The following SCAPER variants were observed in gnomAD, a reference collection of about 807,000 sequenced individuals.
SCAPER encodes the protein S phase cyclin A-associated protein in the endoplasmic reticulum.
Under a neutral mutation model 182.2 loss-of-function variants are expected in SCAPER, and 98 were observed. The ratio of observed to expected loss-of-function variants is 0.54; its 90% CI spans 0.46 to 0.64. SCAPER has a LOEUF of 0.64. Among genes scored for constraint, SCAPER ranks in the 30% least tolerant of loss-of-function variants. The probability of loss-of-function intolerance (pLI) is 0.00; values close to 1 mark genes in which losing one functional copy is unlikely to be tolerated. For synonymous variants in SCAPER, 605 were observed against 564.6 expected (o/e 1.07, Z -1.01); for missense variants, 1,432 against 1,690.0 (o/e 0.85, Z 2.68).
chr15:76,626,307 T>C (rs1476913664), intron 21 of SCAPER, among the ~76,000 whole-genome samples: 1 of 152,140 alleles, frequency 6.6e-6, no homozygotes, highest in Non-Finnish European at 1.5e-5. Context: ...TTATTTCCAG[T>C]TTGACTCTGT....
At chr15:76,764,403 T>TG (rs147977877) in intron 14 of SCAPER, among the ~76,000 whole-genome samples, 23,400 of 152,152 alleles carry the variant, frequency 0.15, 2,025 homozygotes, top group African/African-American at 0.24. Flanking sequence ...AGAGGCCAGG[T>TG]GGAGTTTGGT....
intron 29 of SCAPER, among the ~76,000 whole-genome samples, chr15:76,366,541 C>G (rs908120447): frequency 1.3e-5 from 2 of 152,202 alleles, no homozygotes; most frequent in African/African-American, 4.8e-5. Context: ...CTGCTTTCAT[C>G]TCTCTGCTCT....
At chr15:76,861,935 AAGG>A (rs2071907729) in intron 3 of SCAPER, 2 of 152,306 alleles carry the variant, frequency 1.3e-5, no homozygotes, top group South Asian at 4.1e-4. Context: ...AGGCAGCAGG[AAGG>A]AGAAGTACCG....
chr15:76,592,764 G>A (rs1597567592), intron 22 of SCAPER, among the ~76,000 whole-genome samples: 1 of 121,950 alleles, frequency 8.2e-6, no homozygotes, highest in African/African-American at 2.5e-5. Context: ...GAGGGACTGT[G>A]CCTTGAGGAA....
chr15:76,403,380 C>A (rs1431213038), intron 27 of SCAPER, among the ~76,000 whole-genome samples: 2 of 152,198 alleles, frequency 1.3e-5, no homozygotes, highest in African/African-American at 2.4e-5. Context: ...AAACACTGAA[C>A]ACAGGCATGC....
intron 24 of SCAPER, among the ~76,000 whole-genome samples, chr15:76,473,970 C>T (rs1490944039): frequency 6.6e-6 from 1 of 152,012 alleles, no homozygotes; most frequent in African/African-American, 2.4e-5. Flanking sequence ...TGCCACCACA[C>T]CCATCAAATT....
chr15:76,525,621 T>C (rs1197472810), intron 23 of SCAPER, among the ~76,000 whole-genome samples: 2 of 152,206 alleles, frequency 1.3e-5, no homozygotes, highest in Non-Finnish European at 2.9e-5. Flanking sequence ...CATGTGGTAT[T>C]TGGTTTTCTG....
chr15:76,557,315 A>G lies in SCAPER; in HGVS notation c.2838+16843T>C, dbSNP rs574434789. On this transcript the variant is annotated intron_variant, in intron 23 of 31. Transcript: ENST00000563290. Reference sequence around the variant, plus strand: ...CCAATAGCCAAAGCAGTGCTAAGCAAAAAGAACTAAGCTGGAGATATCACA... The same window carrying G: ...CCAATAGCCAAAGCAGTGCTAAGCAGAAAGAACTAAGCTGGAGATATCACA... 3.9e-5 allele frequency among the ~76,000 whole-genome samples: 6 copies of G among 152,356 alleles called. No homozygotes were observed. In the East Asian group the frequency reaches 1.2e-3, roughly 29 times the overall value.
At chr15:76,577,681 T>G (rs1195330614) in intron 22 of SCAPER, among the ~76,000 whole-genome samples, 1 of 152,070 alleles carries the variant, frequency 6.6e-6, no homozygotes, top group East Asian at 1.9e-4. Context: ...CCTTGGGCCC[T>G]CACGAGTTAG....
rs186541743 is a variant in SCAPER, at chr15:76,766,564, C to T, written c.1419+354G>A. 2.1e-3 allele frequency among the ~76,000 whole-genome samples: 314 copies of T among 152,116 alleles called. 1 individual carries two copies. Among genetic ancestry groups the T allele is most frequent in the Non-Finnish European group, 3.3e-3 (223 of 67,998 alleles). On this transcript the variant is annotated intron_variant, in intron 11 of 31. Coordinates refer to ENST00000563290, the MANE Select transcript of SCAPER (RefSeq NM_020843.4). ...TGTTGCCCAGGCTGGTCTCGAACTC[C>T]TATCCTTGACCAATCCTACCGCCTT...
intron 4 of SCAPER, among the ~76,000 whole-genome samples, chr15:76,847,274 A>G (rs1211273118): frequency 2.0e-5 from 3 of 152,218 alleles, no homozygotes; most frequent in African/African-American, 7.2e-5. Context: ...GCAAACCACC[A>G]TGGCACATGT....
At chr15:76,692,354 C>T (rs1249438133) in intron 20 of SCAPER, among the ~76,000 whole-genome samples, 1 of 152,012 alleles carries the variant, frequency 6.6e-6, no homozygotes, top group Non-Finnish European at 1.5e-5. Flanking sequence ...CCATTAAGTA[C>T]TGAAAGTTAA....
chr15:76,559,348 A>C (rs2046431847), intron 23 of SCAPER, among the ~76,000 whole-genome samples: 1 of 151,050 alleles, frequency 6.6e-6, no homozygotes, highest in Admixed American at 6.6e-5. Flanking sequence ...GAGCCACTGC[A>C]CCCGGCCGAG....
chr15:76,450,015 TAAG>T (rs1292660986), intron 25 of SCAPER, among the ~76,000 whole-genome samples: 1 of 152,260 alleles, frequency 6.6e-6, no homozygotes, highest in East Asian at 1.9e-4. Flanking sequence ...TCTACTGTTG[TAAG>T]AAGAAAGCAG....
At chr15:76,743,467 T>C (rs895987800) in intron 15 of SCAPER, among the ~76,000 whole-genome samples, 1 of 152,060 alleles carries the variant, frequency 6.6e-6, no homozygotes, top group African/African-American at 2.4e-5. Flanking sequence ...GATATAAAAA[T>C]CAATGTACAA....
chr15:76,730,335 A>AT (rs757867949), intron 16 of SCAPER, among the ~76,000 whole-genome samples: 1 of 152,008 alleles, frequency 6.6e-6, no homozygotes, highest in Non-Finnish European at 1.5e-5. Flanking sequence ...TAAACTGGGA[A>AT]TTGGAGGGAA....
chr15:76,569,221 C>A (rs568492414), intron 23 of SCAPER, among the ~76,000 whole-genome samples: 8 of 152,152 alleles, frequency 5.3e-5, no homozygotes, highest in African/African-American at 1.7e-4. Context: ...TAAGGAAATT[C>A]CATTCTATTC....
chr15:76,379,623 A>T (rs1347807366), intron 28 of SCAPER: 1 of 152,056 alleles, frequency 6.6e-6, no homozygotes, highest in African/African-American at 2.4e-5. Flanking sequence ...GAAAGGAGAA[A>T]TGTTTTTATC....
intron 21 of SCAPER, among the ~76,000 whole-genome samples, chr15:76,639,144 T>C (rs574599970): frequency 4.6e-5 from 7 of 152,296 alleles, no homozygotes; most frequent in Non-Finnish European, 1.0e-4. Flanking sequence ...ATACTGAAAT[T>C]TCACTTTTAA....
Sources: gnomAD v4.1 joint callset for allele counts (sites outside exome capture counted in the v4.1 genomes callset) on GRCh38, gnomAD v4.1.1 for gene constraint, MANE v1.5 for transcripts, NCBI Gene and HGNC (gene_info 2026-07-23, HGNC 2026-07-21) for gene names.